The following DMD variants were observed in gnomAD, a reference collection of about 807,000 sequenced individuals.
The protein encoded by DMD is dystrophin, also known as mutant dystrophin.
A neutral mutation model predicts 330.1 loss-of-function variants in DMD; 63 were observed. That is an observed-to-expected ratio of 0.19 (90% CI 0.16 to 0.24). The LOEUF (loss-of-function observed/expected upper bound fraction) is 0.24. DMD is among the 10% of genes least tolerant of loss of function. The probability of loss-of-function intolerance (pLI) is 1.00; values close to 1 mark genes in which losing one functional copy is unlikely to be tolerated. For missense variants in DMD, 3,344 were observed against 2,684.1 expected (o/e 1.25, Z -5.43); for synonymous variants, 1,223 against 959.8 (o/e 1.27, Z -5.07).
chrX:31,147,299 G>A lies in DMD; in HGVS notation c.10773C>T (p.His3591=), dbSNP rs768736629. 5.8e-6 allele frequency: 7 copies of A among 1,210,243 alleles called. No homozygotes were observed. The highest frequency in any genetic ancestry group is 7.8e-6 in the Non-Finnish European group (7 of 894,528). ...DHNKQLESQL[H]RLRQLLEQPQ... is the part of the protein sequence containing the mutation. ...CTTGCTCCAGCAGCTGCCTTAGCCT[G>A]TGTAACTGTGACTCCAGCTGTTTAT... The change falls in exon 75 of 79, where the codon CAC becomes CAT. Residue 3591 remains histidine (H), a synonymous_variant. Transcript: ENST00000357033.
At chrX:31,666,053 A>G (rs2081405846) in intron 53 of DMD, among the ~76,000 whole-genome samples, 1 of 111,911 alleles carries the variant, frequency 8.9e-6, no homozygotes. Context: ...TACCCCAGGC[A>G]TCTGAGAAAA....
At chrX:33,150,292 CTTTTT>C (rs67904733) in intron 1 of DMD, among the ~76,000 whole-genome samples, 12 of 87,595 alleles carry the variant, frequency 1.4e-4, no homozygotes, top group Non-Finnish European at 8.9e-5. Flanking sequence ...AAAAGTCAGT[CTTTTT>C]TTTTTTTTTT....
At chrX:32,234,648 A>G (rs1408609567) in intron 43 of DMD, among the ~76,000 whole-genome samples, 3 of 112,240 alleles carry the variant, frequency 2.7e-5, no homozygotes. Context: ...TTTTGATCAC[A>G]TATCTTTTCC....
At chrX:32,485,175 A>G in intron 20 of DMD, 76 bp from the exon 21 acceptor site, 5 of 1,026,191 alleles carry the variant, frequency 4.9e-6, no homozygotes, top group Non-Finnish European at 6.9e-6. Flanking sequence ...AGGTATTAAA[A>G]AGCAGTAAGG....
At chrX:32,751,764 T>G (rs2070846823) in intron 7 of DMD, among the ~76,000 whole-genome samples, 1 of 111,308 alleles carries the variant, frequency 9.0e-6, no homozygotes, top group Non-Finnish European at 1.9e-5. Context: ...GAAAAAATGG[T>G]TTTGTGGGCT....
chrX:31,777,314 A>AG (rs1243921781), intron 50 of DMD, among the ~76,000 whole-genome samples: 1 of 111,513 alleles, frequency 9.0e-6, no homozygotes, highest in African/African-American at 3.3e-5. Flanking sequence ...TAAAGAGAGA[A>AG]AATACAGCCA....
Position 31,128,676 on chromosome X carries a change from G to T in DMD, c.11015-2003C>A, listed in dbSNP as rs2034069263. Reference sequence around the variant, plus strand: ...TATTTCTTAATATGTAGCAGCAAATGACTTGTGTTATGTTCCAGATCCTTC... The same window carrying T: ...TATTTCTTAATATGTAGCAGCAAATTACTTGTGTTATGTTCCAGATCCTTC... On this transcript the variant is annotated intron_variant, in intron 77 of 78. Transcript: ENST00000357033. Among the ~76,000 whole-genome samples, 6 of 111,667 alleles carry T rather than the reference G, an allele frequency of 5.4e-5. No individual in the cohort carries two copies. In the Admixed American group the frequency reaches 5.7e-4, roughly 11 times the overall value.
intron 44 of DMD, among the ~76,000 whole-genome samples, chrX:32,121,585 C>G (rs2096634956): frequency 1.1e-5 from 1 of 89,374 alleles, no homozygotes. Flanking sequence ...CCTCCGAAAG[C>G]TTTCTTTTCA....
chrX:32,733,730 A>C (rs1223477426), intron 7 of DMD, among the ~76,000 whole-genome samples: 2 of 109,661 alleles, frequency 1.8e-5, no homozygotes, highest in Non-Finnish European at 3.8e-5. Flanking sequence ...ACAAAGACAC[A>C]ACATACCAGA....
intron 9 of DMD, among the ~76,000 whole-genome samples, chrX:32,649,995 T>C (rs2060039378): frequency 1.8e-5 from 2 of 111,366 alleles, no homozygotes; most frequent in African/African-American, 6.5e-5. Flanking sequence ...CCAAAGTTCA[T>C]TGAAATGATA....
At chrX:32,122,989 C>A (rs1432014567) in intron 44 of DMD, among the ~76,000 whole-genome samples, 2 of 107,624 alleles carry the variant, frequency 1.9e-5, no homozygotes, top group Non-Finnish European at 3.8e-5. Flanking sequence ...CAAATGACAC[C>A]TACATGGAAA....
At chrX:32,507,683 GT>G (rs1406680962) in intron 18 of DMD, among the ~76,000 whole-genome samples, 11 of 111,648 alleles carry the variant, frequency 9.9e-5, no homozygotes, top group African/African-American at 3.2e-4. Flanking sequence ...AGAGAGGTTT[GT>G]GAAAATTTTG....
chrX:33,103,320 C>G (rs2095256446), intron 1 of DMD, among the ~76,000 whole-genome samples: 1 of 111,308 alleles, frequency 9.0e-6, no homozygotes, highest in Admixed American at 9.6e-5. Flanking sequence ...CCCCTGTGAC[C>G]TGCATGTATA....
chrX:32,176,153 A>G (rs1190117712), intron 44 of DMD, among the ~76,000 whole-genome samples: 3 of 112,052 alleles, frequency 2.7e-5, no homozygotes, highest in Non-Finnish European at 3.8e-5. Context: ...CTTCTTCAAA[A>G]TCACCTTCCA....
chrX:32,996,889 GAA>G (rs1217456244), intron 2 of DMD, among the ~76,000 whole-genome samples: 1 of 111,198 alleles, frequency 9.0e-6, no homozygotes, highest in Non-Finnish European at 1.9e-5. Context: ...AATGGAGAAA[GAA>G]AAACATGTTC....
chrX:32,334,127 T>A (rs1238418500), intron 41 of DMD, among the ~76,000 whole-genome samples: 1 of 110,897 alleles, frequency 9.0e-6, no homozygotes, highest in African/African-American at 3.3e-5. Flanking sequence ...TACAAATATT[T>A]ATAACCACTA....
At chrX:32,990,861 C>T (rs1249119004) in intron 2 of DMD, among the ~76,000 whole-genome samples, 2 of 111,042 alleles carry the variant, frequency 1.8e-5, no homozygotes, top group Non-Finnish European at 3.8e-5. Context: ...TTCTTGAAAC[C>T]CACAGCAGTA....
intron 11 of DMD, among the ~76,000 whole-genome samples, chrX:32,633,573 C>A (rs1051154854): frequency 9.8e-5 from 11 of 112,097 alleles, no homozygotes; most frequent in African/African-American, 3.6e-4. Flanking sequence ...GACAGCAAAG[C>A]CCCACTTCTT....
At chrX:33,206,084 A>G (rs1211897620) in intron 1 of DMD, among the ~76,000 whole-genome samples, 3 of 111,622 alleles carry the variant, frequency 2.7e-5, no homozygotes, top group Non-Finnish European at 5.7e-5. Context: ...TGACACAACC[A>G]CATTTTTCTA....
Sources: allele counts gnomAD v4.1 joint callset (sites outside exome capture counted in the v4.1 genomes callset), GRCh38; gene constraint gnomAD v4.1.1; transcripts MANE v1.5; gene names NCBI Gene and HGNC (gene_info 2026-07-23, HGNC 2026-07-21).